IGSF11: variants seen among roughly 807,000 people sequenced by gnomAD.
IGSF11 encodes immunoglobulin superfamily member 11, also known as CXADR like 1.
Under a neutral mutation model 41.0 loss-of-function variants are expected in IGSF11, and 22 were observed. The ratio of observed to expected loss-of-function variants is 0.54; its 90% CI spans 0.38 to 0.77. The LOEUF is 0.77. Ranked by LOEUF, IGSF11 falls within the 30% of genes least tolerant of loss-of-function variation. The pLI, the probability that IGSF11 is intolerant of heterozygous loss-of-function variation, is 0.00. For synonymous variants in IGSF11, 219 were observed against 201.3 expected (o/e 1.09, Z -0.74); for missense variants, 444 against 530.8 (o/e 0.84, Z 1.61).
intron 1 of IGSF11, among the ~76,000 whole-genome samples, chr3:119,111,634 G>C (rs2077162576): frequency 6.6e-6 from 1 of 152,236 alleles, no homozygotes; most frequent in African/African-American, 2.4e-5. Context: ...TTGCTGGTGA[G>C]GAACTGCGTT....
chr3:119,123,995 C>T (rs1045472085), intron 1 of IGSF11, among the ~76,000 whole-genome samples: 2 of 152,130 alleles, frequency 1.3e-5, no homozygotes, highest in South Asian at 4.1e-4. Flanking sequence ...GAAAACATGA[C>T]CTCAACAAAC....
intron 1 of IGSF11, among the ~76,000 whole-genome samples, chr3:119,121,781 A>G (rs530865411): frequency 1.3e-5 from 2 of 152,216 alleles, no homozygotes; most frequent in Non-Finnish European, 1.5e-5. Flanking sequence ...GAAAAAAGTC[A>G]AACACTAAGA....
upstream of IGSF11, chr3:119,034,880 C>A: frequency 8.6e-7 from 1 of 1,160,362 alleles, no homozygotes; most frequent in Non-Finnish European, 1.1e-6. Context: ...GGAGCCACTC[C>A]CCCCAACTCA....
intron 4 of IGSF11, among the ~76,000 whole-genome samples, chr3:118,916,569 T>C (rs1283537473): frequency 3.3e-5 from 5 of 151,140 alleles, no homozygotes; most frequent in Non-Finnish European, 7.4e-5. Context: ...ATCCTAAATA[T>C]ATATGCACCC....
intron 1 of IGSF11, among the ~76,000 whole-genome samples, chr3:118,961,033 T>C (rs977192976): frequency 1.3e-5 from 2 of 152,120 alleles, no homozygotes; most frequent in African/African-American, 2.4e-5. Context: ...GGATGACTCA[T>C]GGGCTTCAAG....
intron 1 of IGSF11, among the ~76,000 whole-genome samples, chr3:119,074,973 A>G (rs560642333): frequency 2.0e-5 from 3 of 152,344 alleles, no homozygotes; most frequent in African/African-American, 7.2e-5. Context: ...AAGAAAAGAA[A>G]TAACCAAAAT....
At chr3:119,106,542 T>G (rs1005404348), upstream of IGSF11, among the ~76,000 whole-genome samples, 2 of 152,174 alleles carry the variant, frequency 1.3e-5, no homozygotes, top group East Asian at 1.9e-4. Context: ...GACTTCATTC[T>G]TTTTTATGGC....
At chr3:119,049,415 A>C (rs543620916) in intron 1 of IGSF11, among the ~76,000 whole-genome samples, 9 of 152,192 alleles carry the variant, frequency 5.9e-5, no homozygotes, top group Admixed American at 5.9e-4. Flanking sequence ...CAAAGAGAAT[A>C]AAATACTTAG....
At chr3:119,083,513 C>T (rs1194956759) in intron 1 of IGSF11, among the ~76,000 whole-genome samples, 1 of 75,690 alleles carries the variant, frequency 1.3e-5, no homozygotes, top group Non-Finnish European at 2.8e-5. Flanking sequence ...ATCACACACA[C>T]ACACACACAC....
intron 1 of IGSF11, among the ~76,000 whole-genome samples, chr3:118,942,144 T>TA (rs959270245): frequency 1.3e-5 from 2 of 152,182 alleles, no homozygotes; most frequent in South Asian, 2.1e-4. Context: ...AGTTATACTT[T>TA]AAAAAAATGT....
At chr3:119,056,493 C>A (rs1308114886) in intron 1 of IGSF11, among the ~76,000 whole-genome samples, 5 of 151,954 alleles carry the variant, frequency 3.3e-5, no homozygotes, top group Non-Finnish European at 7.4e-5. Flanking sequence ...GCTTACCAAC[C>A]AAAAAAAGTC....
At chr3:118,921,782 A>T (rs968273957) in intron 4 of IGSF11, among the ~76,000 whole-genome samples, 1 of 152,158 alleles carries the variant, frequency 6.6e-6, no homozygotes, top group African/African-American at 2.4e-5. Flanking sequence ...CTTGGACAAA[A>T]AACACATTTT....
At chr3:118,938,393 C>T (rs1943437835) in intron 1 of IGSF11, among the ~76,000 whole-genome samples, 1 of 152,190 alleles carries the variant, frequency 6.6e-6, no homozygotes, top group Admixed American at 6.5e-5. Context: ...TCCCCACCCA[C>T]TTCCTGTTAT....
rs575843794 is a variant in IGSF11, at chr3:118,912,136, C to T, written c.581-6418G>A. Reference sequence around the variant, plus strand: ...AAAAGAATGGATAGAAAATGAATTGCCATTATTTGCATATAATTTTTAAAA... The same window carrying T: ...AAAAGAATGGATAGAAAATGAATTGTCATTATTTGCATATAATTTTTAAAA... On this transcript the variant is annotated intron_variant, in intron 4 of 6. Transcript: ENST00000393775. 3.3e-5 allele frequency among the ~76,000 whole-genome samples: 5 copies of T among 152,248 alleles called. No homozygotes were observed. The South Asian group carries it at 8.3e-4, about 25-fold the overall frequency.
intron 1 of IGSF11, among the ~76,000 whole-genome samples, chr3:119,048,065 C>T (rs1304844611): frequency 6.7e-6 from 1 of 150,318 alleles, no homozygotes; most frequent in Admixed American, 6.6e-5. Context: ...AAAATTGACA[C>T]CCTAACATCA....
intron 1 of IGSF11, among the ~76,000 whole-genome samples, chr3:118,988,706 G>A (rs1036966583): frequency 2.0e-5 from 3 of 152,080 alleles, no homozygotes; most frequent in African/African-American, 4.8e-5. Context: ...AAAAAGCATT[G>A]CATTTGTAAC....
chr3:118,910,842 T>A (rs1940184994), intron 4 of IGSF11, among the ~76,000 whole-genome samples: 1 of 152,140 alleles, frequency 6.6e-6, no homozygotes, highest in Non-Finnish European at 1.5e-5. Flanking sequence ...AAAACTTCTA[T>A]CCATCATTTA....
At chr3:119,005,446 G>A (rs972914974) in intron 1 of IGSF11, among the ~76,000 whole-genome samples, 12 of 150,812 alleles carry the variant, frequency 8.0e-5, no homozygotes, top group Non-Finnish European at 1.5e-4. Context: ...TTTAATTGGA[G>A]CATTTAGTCC....
rs937109859 is a variant in IGSF11, at chr3:119,124,265, C to A, written c.-13-19060G>T. 4.2e-5 allele frequency among the ~76,000 whole-genome samples: 4 copies of A among 95,430 alleles called. 1 individual carries two copies. Among genetic ancestry groups the A allele is most frequent in the East Asian group, 3.3e-4 (1 of 3,004 alleles). The allele number at this position is 95,430 out of a possible 152,430, so 62.6% of individuals were successfully genotyped here. ...TGAAATGTTAAGAAACACATCAGAG[C>A]CTTTTTTTTTTTTTTTTTTTTTTTG... On this transcript the variant is annotated intron_variant, in intron 1 of 7. Coordinates refer to the IGSF11 transcript ENST00000425327.
Sources: gnomAD v4.1 joint callset for allele counts (sites outside exome capture counted in the v4.1 genomes callset) on GRCh38, gnomAD v4.1.1 for gene constraint, MANE v1.5 for transcripts, NCBI Gene and HGNC (gene_info 2026-07-23, HGNC 2026-07-21) for gene names.